Variants in KANK1 observed in about 807,000 individuals in gnomAD.
KANK1 encodes the protein KN motif and ankyrin repeat domain-containing protein 1.
A neutral mutation model predicts 106.2 loss-of-function variants in KANK1; 109 were observed. That is an observed-to-expected ratio of 1.03 (90% CI 0.88 to 1.20). KANK1 has a LOEUF of 1.20. Ranked by LOEUF, KANK1 falls within the 50% of genes most tolerant of loss-of-function variation. The pLI is 0.00. For synonymous variants in KANK1, 873 were observed against 652.2 expected, an observed-to-expected ratio of 1.34 and a Z score of -5.16; for missense variants, 2,399 against 1,710.7, an observed-to-expected ratio of 1.40 and a Z score of -7.10.
intron 2 of KANK1, among the ~76,000 whole-genome samples, 168 bp from the exon 3 acceptor site, chr9:710,636 A>C (rs1231338071): frequency 8.7e-6 from 1 of 115,454 alleles, no homozygotes; most frequent in Non-Finnish European, 1.6e-5. Flanking sequence ...AAAACAAAAA[A>C]AAACAAAAAA....
At chr9:670,384 T>C (rs1317422948) in intron 1 of KANK1, among the ~76,000 whole-genome samples, 3 of 152,196 alleles carry the variant, frequency 2.0e-5, no homozygotes, top group African/African-American at 7.2e-5. Flanking sequence ...TTATTTGTAA[T>C]TTAGCTGTTG....
chr9:604,558 G>T (rs1253533624), intron 1 of KANK1, among the ~76,000 whole-genome samples: 1 of 151,724 alleles, frequency 6.6e-6, no homozygotes, highest in Non-Finnish European at 1.5e-5. Flanking sequence ...CTGGCCGGGT[G>T]CAGTGGCTCA....
intron 1 of KANK1, among the ~76,000 whole-genome samples, chr9:536,953 C>A (rs556153319): frequency 6.6e-6 from 1 of 152,284 alleles, no homozygotes; most frequent in East Asian, 1.9e-4. Context: ...TGGCAGCACG[C>A]ACCTTGCAGG....
rs886354799 is a variant in KANK1, at chr9:519,603, T to C, written c.-84+14849T>C. Reference sequence around the variant, plus strand: ...AAAGCTAAAGAAGAACCTGGACTTTTTGGAATGATTTCGACCTCTCATAAA... The same window carrying C: ...AAAGCTAAAGAAGAACCTGGACTTTCTGGAATGATTTCGACCTCTCATAAA... On this transcript the variant is annotated intron_variant, in intron 1 of 11. Coordinates refer to ENST00000382297, the MANE Select transcript of KANK1 (RefSeq NM_015158.5). Among the ~76,000 whole-genome samples the C allele has an allele frequency of 5.3e-5, 8 of 151,910 alleles. No homozygotes were observed. The East Asian group carries it at 1.5e-3, about 29-fold the overall frequency.
At chr9:603,627 C>G (rs982210706) in intron 1 of KANK1, among the ~76,000 whole-genome samples, 2 of 151,646 alleles carry the variant, frequency 1.3e-5, no homozygotes, top group African/African-American at 4.9e-5. Flanking sequence ...TAGATTCTAT[C>G]ATTAATTAAT....
intron 1 of KANK1, among the ~76,000 whole-genome samples, chr9:559,297 A>C (rs1333565715): frequency 1.3e-5 from 2 of 152,060 alleles, no homozygotes; most frequent in Non-Finnish European, 2.9e-5. Context: ...ATTTTTGTGC[A>C]TTGAAGGTTT....
At chr9:733,437 C>T (rs1832845299) in intron 6 of KANK1, 1 of 151,976 alleles carries the variant, frequency 6.6e-6, no homozygotes, top group Admixed American at 6.6e-5. Context: ...ATTTATATAC[C>T]ATATGTCATT....
chr9:630,062 A>G (rs111651935), intron 1 of KANK1, among the ~76,000 whole-genome samples: 5,252 of 151,620 alleles, frequency 0.035, 291 homozygotes, highest in African/African-American at 0.11. Context: ...ACCCTGGCCA[A>G]CATGGCAAAA....
intron 1 of KANK1, among the ~76,000 whole-genome samples, chr9:618,775 A>G (rs1259742307): frequency 6.6e-6 from 1 of 152,138 alleles, no homozygotes; most frequent in African/African-American, 2.4e-5. Context: ...CCATTCAGTA[A>G]GAAAGCTCCT....
chr9:686,819 C>G (rs994016737), intron 2 of KANK1: 4 of 985,130 alleles, frequency 4.1e-6, no homozygotes, highest in South Asian at 9.4e-5. Context: ...GAGGAACATG[C>G]TAGGATGTTA....
chr9:599,136 A>G (rs1827085121), intron 1 of KANK1, among the ~76,000 whole-genome samples: 1 of 149,704 alleles, frequency 6.7e-6, no homozygotes. Flanking sequence ...CTCCTGCCTC[A>G]GCCTCCTGAG....
intron 1 of KANK1, among the ~76,000 whole-genome samples, chr9:545,291 A>G (rs1022454010): frequency 6.6e-6 from 1 of 152,200 alleles, no homozygotes; most frequent in African/African-American, 2.4e-5. Flanking sequence ...GGGCAGATGG[A>G]TGAGCTCATT....
At chr9:472,043 C>G (rs1443461188) in intron 2 of KANK1, among the ~76,000 whole-genome samples, 1 of 152,184 alleles carries the variant, frequency 6.6e-6, no homozygotes, top group African/African-American at 2.4e-5. Context: ...CCTGCTCTCC[C>G]AGAGTCACAT....
intron 1 of KANK1, among the ~76,000 whole-genome samples, chr9:600,299 G>C (rs1178166985): frequency 1.3e-5 from 2 of 151,310 alleles, no homozygotes; most frequent in African/African-American, 2.4e-5. Context: ...CTGTCTTTTT[G>C]TGGCTGGCTT....
At chr9:741,057 C>A in intron 9 of KANK1, 123 bp downstream of exon 9, 1 of 1,100,890 alleles carries the variant, frequency 9.1e-7, no homozygotes, top group Non-Finnish European at 1.3e-6. Flanking sequence ...TGTTTGCAGG[C>A]CTGCCCTGAG....
chr9:743,690 C>T (rs888742292), intron 10 of KANK1, among the ~76,000 whole-genome samples: 1 of 151,954 alleles, frequency 6.6e-6, no homozygotes, highest in Non-Finnish European at 1.5e-5. Context: ...CATAGTGAGA[C>T]TCCCATCTCT....
chr9:707,120 T>A (rs1824476281), intron 2 of KANK1: 1 of 985,310 alleles, frequency 1.0e-6, no homozygotes, highest in Non-Finnish European at 1.2e-6. Context: ...GCCGGCCAAG[T>A]TTACACGAAT....
Position 479,009 on chromosome 9 carries a change from C to T in KANK1, c.-362+5736C>T, listed in dbSNP as rs1425971770. Among the ~76,000 whole-genome samples, 7 of 151,958 alleles carry T rather than the reference C, an allele frequency of 4.6e-5. No individual in the cohort carries two copies. The South Asian group carries it at 1.2e-3, about 27-fold the overall frequency. ...CTTGGCTCACTGCAACCTTCGCCTC[C>T]TGGGTTTCAGCAATTCTCATGTTCA... is the stretch of plus-strand genomic sequence containing the variant. On this transcript the variant is annotated intron_variant, in intron 3 of 15. Transcript: ENST00000382303.
chr9:702,046 CA>C (rs1425954241), intron 2 of KANK1, among the ~76,000 whole-genome samples: 37 of 152,290 alleles, frequency 2.4e-4, no homozygotes, highest in African/African-American at 6.7e-4. Flanking sequence ...GACTTGCCAT[CA>C]GTTTGTTGAT....
Sources: allele counts gnomAD v4.1 joint callset (sites outside exome capture counted in the v4.1 genomes callset), GRCh38; gene constraint gnomAD v4.1.1; transcripts MANE v1.5; gene names NCBI Gene and HGNC (gene_info 2026-07-23, HGNC 2026-07-21).